Variants in STOX1 observed in about 807,000 individuals in gnomAD.
STOX1 encodes the protein storkhead-box protein 1.
In STOX1, 57 loss-of-function variants were observed where a neutral mutation model predicts 74.8. The observed-to-expected ratio is 0.76, with a 90% CI of 0.62 to 0.95. The LOEUF is 0.95. STOX1 is among the 40% of genes least tolerant of loss of function. The pLI is 0.00. For missense variants in STOX1, 1,010 were observed against 1,117.0 expected (o/e 0.90, Z 1.37); for synonymous variants, 375 against 401.3 (o/e 0.93, Z 0.78).
At chr10:68,876,117 A>G (rs1840670645) in intron 1 of STOX1, among the ~76,000 whole-genome samples, 2 of 50,842 alleles carry the variant, frequency 3.9e-5, no homozygotes, top group Admixed American at 5.8e-4. Context: ...GGTCTTTACC[A>G]GAATATATAT....
chr10:68,881,593 T>C (rs1172080434), intron 1 of STOX1, among the ~76,000 whole-genome samples: 1 of 152,230 alleles, frequency 6.6e-6, no homozygotes, highest in Non-Finnish European at 1.5e-5. Context: ...TTTCTCAAGA[T>C]AGCTAATATG....
intron 1 of STOX1, among the ~76,000 whole-genome samples, chr10:68,836,449 T>G (rs74907581): frequency 0.049 from 7,516 of 152,310 alleles, 263 homozygotes; most frequent in Non-Finnish European, 0.079. Flanking sequence ...TTAAGACTTG[T>G]GCTAATCATT....
intron 1 of STOX1, among the ~76,000 whole-genome samples, chr10:68,871,887 A>AT (rs2131977799): frequency 6.6e-6 from 1 of 152,328 alleles, no homozygotes; most frequent in South Asian, 2.1e-4. Flanking sequence ...AAATGCTTCA[A>AT]TTTTTCAAAG....
rs1252660193 is a variant in STOX1, at chr10:68,885,624, T to A, written c.1828T>A (p.Tyr610Asn). The change falls in exon 3 of 4, where the codon TAT (tyrosine) becomes AAT (asparagine). Residue 610 changes from tyrosine (Y) to asparagine (N), a missense_variant. Physicochemically the swap from Tyr to Asn is moderately radical, Grantham distance 143. Coordinates refer to ENST00000298596, the MANE Select transcript of STOX1 (RefSeq NM_152709.5). ...FMESMLRYEV[Y>N]GGENEVIPEV... ...GGAAAGCATGTTGAGATATGAAGTGTATGGTGGAGAAAATGAGGTAATTCC... is the reference window on the plus strand; with the variant it reads ...GGAAAGCATGTTGAGATATGAAGTGAATGGTGGAGAAAATGAGGTAATTCC... 2 of 1,614,142 alleles carry A rather than the reference T, an allele frequency of 1.2e-6. No individual in the cohort carries two copies. The highest frequency in any genetic ancestry group is 1.7e-6 in the Non-Finnish European group (2 of 1,180,032).
chr10:68,857,168 T>C lies in STOX1; in HGVS notation c.311-24790T>C, dbSNP rs189078192. Among the ~76,000 whole-genome samples the C allele has an allele frequency of 1.7e-3, 265 of 152,152 alleles. 7 individuals are homozygous for C. Among genetic ancestry groups the C allele is most frequent in the Admixed American group, 0.015 (225 of 15,284 alleles). ...AGAGAAAAAAATAATATGCAAATAATTATAACTACATAGGCACTCCCTACC... is the reference window on the plus strand; with the variant it reads ...AGAGAAAAAAATAATATGCAAATAACTATAACTACATAGGCACTCCCTACC... On this transcript the variant is annotated intron_variant, in intron 1 of 3. Transcript: ENST00000298596.
At chr10:68,858,957 G>T (rs1840194290) in intron 1 of STOX1, among the ~76,000 whole-genome samples, 1 of 152,064 alleles carries the variant, frequency 6.6e-6, no homozygotes, top group Non-Finnish European at 1.5e-5. Flanking sequence ...CCCAGCTCCT[G>T]TCACCACAAA....
Position 68,827,553 on chromosome 10 carries a change from G to T in STOX1, c.-71G>T. 1 of 1,016,202 alleles carries T rather than the reference G, an allele frequency of 9.8e-7. No homozygotes were observed. The highest frequency in any genetic ancestry group is 4.7e-5 in the South Asian group (1 of 21,096). 62.9% of individuals were successfully genotyped at this position (1,016,202 alleles called of 1,614,324 possible). A position where few individuals can be genotyped will look rare whatever the true frequency, so the allele number is the denominator to read the frequency against. On this transcript the variant is annotated 5_prime_UTR_variant, in exon 1 of 4. Transcript: ENST00000298596. ...CGCGCAGTCGGCCGATCCTCCCGCCGAGCGAGCGGCGTCGTAGCCGCCGCG... is the reference window on the plus strand; with the variant it reads ...CGCGCAGTCGGCCGATCCTCCCGCCTAGCGAGCGGCGTCGTAGCCGCCGCG...
chr10:68,892,510 C>T lies in STOX1; in HGVS notation c.2823-79C>T, dbSNP rs1005441834. 19 of 1,343,840 alleles carry T rather than the reference C, an allele frequency of 1.4e-5. No homozygotes were observed. In the African/African-American group the frequency reaches 2.0e-4, roughly 14 times the overall value. The allele number at this position is 1,343,840 out of a possible 1,614,324, so 83.2% of individuals were successfully genotyped here. On this transcript the variant is annotated intron_variant, in intron 3 of 3. Coordinates refer to ENST00000298596, the MANE Select transcript of STOX1 (RefSeq NM_152709.5). ...TAGTAAATGTACTACTTCAAAGTAG[C>T]AAATGGAAGTATAATGCCTTGGTTA...
chr10:68,889,673 C>T (rs1841052328), intron 3 of STOX1, among the ~76,000 whole-genome samples: 1 of 152,242 alleles, frequency 6.6e-6, no homozygotes, highest in Admixed American at 6.5e-5. Context: ...AAGCAATTCT[C>T]ATGCCTCAGT....
chr10:68,853,688 T>C (rs1840046821), intron 1 of STOX1, among the ~76,000 whole-genome samples: 1 of 151,978 alleles, frequency 6.6e-6, no homozygotes, highest in African/African-American at 2.4e-5. Flanking sequence ...TTTTTGTTTT[T>C]TGTTTTTTGT....
chr10:68,834,885 C>T lies in STOX1; in HGVS notation c.310+6952C>T, dbSNP rs558415775. Among the ~76,000 whole-genome samples, 9 of 152,170 alleles carry T rather than the reference C, an allele frequency of 5.9e-5. No homozygotes were observed. The South Asian group carries it at 1.5e-3, about 25-fold the overall frequency. On this transcript the variant is annotated intron_variant, in intron 1 of 3. Transcript: ENST00000298596. ...GATTACAGGCGTCTGCCTCCACACC[C>T]GGATAATTTTGTATTTTTAGTAGAG...
chr10:68,876,447 C>T (rs554369253), intron 1 of STOX1, among the ~76,000 whole-genome samples: 10 of 152,056 alleles, frequency 6.6e-5, no homozygotes, highest in Non-Finnish European at 1.5e-4. Flanking sequence ...TGAGCCACCA[C>T]ACCTGGCCAA....
chr10:68,875,284 T>G (rs2131983245), intron 1 of STOX1, among the ~76,000 whole-genome samples: 1 of 152,294 alleles, frequency 6.6e-6, no homozygotes, highest in Non-Finnish European at 1.5e-5. Flanking sequence ...GTGCAAAGTT[T>G]AGGCTTATTT....
chr10:68,880,626 C>G (rs1293081317), intron 1 of STOX1, among the ~76,000 whole-genome samples: 1 of 151,766 alleles, frequency 6.6e-6, no homozygotes, highest in African/African-American at 2.4e-5. Context: ...TTGGTATGTG[C>G]CAAGAGGTAT....
chr10:68,864,546 C>A (rs1840354393), intron 1 of STOX1, among the ~76,000 whole-genome samples: 1 of 152,190 alleles, frequency 6.6e-6, no homozygotes, highest in Admixed American at 6.5e-5. Flanking sequence ...ATTTAACAAT[C>A]TGAGTTCTCC....
intron 1 of STOX1, among the ~76,000 whole-genome samples, chr10:68,871,984 A>G (rs147812717): frequency 1.3e-5 from 2 of 152,290 alleles, no homozygotes; most frequent in Non-Finnish European, 2.9e-5. Flanking sequence ...AGCTTCTTGG[A>G]TTACTTTGAA....
rs114709421 is a variant in STOX1 at position 68,862,763 on chromosome 10, A to G, written c.311-19195A>G. On this transcript the variant is annotated intron_variant, in intron 1 of 3. Transcript: ENST00000298596. ...AGACTGAGAGGTGCAGTTTATGCTA[A>G]ACATCTCCTTAGGGGACCAATCAAT... Among the ~76,000 whole-genome samples, 1,119 of 152,228 alleles carry G rather than the reference A, an allele frequency of 7.4e-3. 16 individuals carry two copies. The highest frequency in any genetic ancestry group is 0.025 in the African/African-American group (1,051 of 41,466).
chr10:68,839,990 T>C (rs1486211233), intron 1 of STOX1, among the ~76,000 whole-genome samples: 1 of 152,092 alleles, frequency 6.6e-6, no homozygotes, highest in Admixed American at 6.5e-5. Context: ...AACACAGATA[T>C]ATACAGCAAT....
chr10:68,866,731 C>T (rs1186047844), intron 1 of STOX1, among the ~76,000 whole-genome samples: 4 of 152,148 alleles, frequency 2.6e-5, no homozygotes, highest in Non-Finnish European at 4.4e-5. Context: ...GGCGGCTCTC[C>T]AGGCACACTC....
Sources: allele counts gnomAD v4.1 joint callset (sites outside exome capture counted in the v4.1 genomes callset), GRCh38; gene constraint gnomAD v4.1.1; transcripts MANE v1.5; gene names NCBI Gene and HGNC (gene_info 2026-07-23, HGNC 2026-07-21).